Variants in SLC41A2 observed in about 807,000 individuals in gnomAD.
SLC41A2 encodes the protein solute carrier family 41 member 2, also known as SLC41A1-like 1.
SLC41A2 carries 32 observed loss-of-function variants against 58.3 expected under a neutral mutation model. The ratio of observed to expected loss-of-function variants is 0.55; its 90% confidence interval spans 0.41 to 0.74. The LOEUF (loss-of-function observed/expected upper bound fraction) is 0.74. SLC41A2 is among the 30% of genes least tolerant of loss of function. The pLI is 0.00. For synonymous variants in SLC41A2, 190 were observed against 235.0 expected (o/e 0.81, Z 1.75); for missense variants, 514 against 680.6 (o/e 0.76, Z 2.72).
chr12:104,875,201 GTTTGCTAGTA>G (rs2043987583), intron 6 of SLC41A2, among the ~76,000 whole-genome samples: 1 of 152,184 alleles, frequency 6.6e-6, no homozygotes, highest in Non-Finnish European at 1.5e-5. Flanking sequence ...GTTGAATTCA[GTTTGCTAGTA>G]TTTTATTGAA....
intron 1 of SLC41A2, among the ~76,000 whole-genome samples, chr12:104,949,090 T>C (rs1185156265): frequency 6.6e-6 from 1 of 152,064 alleles, no homozygotes; most frequent in Non-Finnish European, 1.5e-5. Flanking sequence ...TGGTGGTGCA[T>C]GCCTGTAATC....
Position 104,958,242 on chromosome 12 carries a change from CT to C in SLC41A2, c.-323del, listed in dbSNP as rs1013998097. On this transcript the variant is annotated 5_prime_UTR_variant, in exon 1 of 11. Transcript: ENST00000258538. ...GAGGACAGCGGCTCCCAGCCCACAG[CT>C]CCTTCCTGCTCCCGCGCCTCCTCGC... is the stretch of plus-strand genomic sequence containing the variant. 4.6e-5 allele frequency: 7 copies of C among 151,334 alleles called. No individual in the cohort carries two copies. Among genetic ancestry groups the C allele is most frequent in the African/African-American group, 1.7e-4 (7 of 41,344 alleles). The allele number at this position is 151,334 out of a possible 1,614,324, so 9.4% of individuals were successfully genotyped here. A position where few individuals can be genotyped will look rare whatever the true frequency, so the allele number is the denominator to read the frequency against.
At chr12:104,892,125 C>A (rs1208945795) in intron 4 of SLC41A2, among the ~76,000 whole-genome samples, 2 of 151,696 alleles carry the variant, frequency 1.3e-5, no homozygotes, top group African/African-American at 2.4e-5. Context: ...CATGGTGAAA[C>A]CCCATCTCTA....
intron 3 of SLC41A2, among the ~76,000 whole-genome samples, chr12:104,903,356 T>A (rs2045651481): frequency 6.6e-6 from 1 of 152,234 alleles, no homozygotes; most frequent in South Asian, 2.1e-4. Context: ...CCGTACATAA[T>A]CTGGCCTCTG....
At chr12:104,858,056 C>T (rs185963449) in intron 8 of SLC41A2, among the ~76,000 whole-genome samples, 1,693 of 152,082 alleles carry the variant, frequency 0.011, 37 homozygotes, top group African/African-American at 0.038. Flanking sequence ...AAAGAAATCT[C>T]GTAGTAAGCA....
intron 10 of SLC41A2, among the ~76,000 whole-genome samples, chr12:104,825,223 C>T (rs573518317): frequency 6.6e-6 from 1 of 152,268 alleles, no homozygotes; most frequent in East Asian, 1.9e-4. Flanking sequence ...CACAGGCATG[C>T]GTGGCTCAGG....
At chr12:104,810,216 A>C (rs2041111854) in intron 10 of SLC41A2, among the ~76,000 whole-genome samples, 1 of 152,140 alleles carries the variant, frequency 6.6e-6, no homozygotes, top group Non-Finnish European at 1.5e-5. Context: ...GCTATCTATA[A>C]ATAGAACAAG....
At chr12:104,820,663 CAG>C (rs2041595583) in intron 10 of SLC41A2, among the ~76,000 whole-genome samples, 1 of 151,382 alleles carries the variant, frequency 6.6e-6, no homozygotes, top group Non-Finnish European at 1.5e-5. Flanking sequence ...TTTTTCCAGA[CAG>C]AGTTTCGCTC....
intron 4 of SLC41A2, among the ~76,000 whole-genome samples, chr12:104,892,822 C>T (rs949874501): frequency 6.6e-6 from 1 of 152,104 alleles, no homozygotes; most frequent in Non-Finnish European, 1.5e-5. Flanking sequence ...AATGAGACCC[C>T]TATCTCTCAC....
chr12:104,922,834 A>G (rs2046658286), intron 2 of SLC41A2, among the ~76,000 whole-genome samples: 1 of 152,226 alleles, frequency 6.6e-6, no homozygotes. Context: ...GTCTCTCTGC[A>G]GAGCACAATG....
At chr12:104,829,765 T>A (rs2136275805) in intron 10 of SLC41A2, among the ~76,000 whole-genome samples, 1 of 152,300 alleles carries the variant, frequency 6.6e-6, no homozygotes, top group Middle Eastern at 3.4e-3. Context: ...AATCTAGCCC[T>A]ATATGGCCCA....
At chr12:104,808,675 C>A (rs948646774) in intron 10 of SLC41A2, among the ~76,000 whole-genome samples, 2 of 151,964 alleles carry the variant, frequency 1.3e-5, no homozygotes, top group Non-Finnish European at 2.9e-5. Context: ...TGGTGGAATT[C>A]GGCTGTGAAT....
rs2046944931 is a variant in SLC41A2, at chr12:104,928,677, T to G, written c.-150A>C. 1 of 455,298 alleles carries G rather than the reference T, an allele frequency of 2.2e-6. No homozygotes were observed. The highest frequency in any genetic ancestry group is 2.0e-5 in the African/African-American group (1 of 50,096). 28.2% of individuals were successfully genotyped at this position (455,298 alleles called of 1,614,324 possible). The stretch of plus-strand genomic sequence containing the variant: ...CCACTAATAAAAGATGTTCAGAAGT[T>G]CCACAGAAGGACTGGATCTGGAAAA... On this transcript the variant is annotated 5_prime_UTR_variant, in exon 2 of 11. Transcript: ENST00000258538.
At chr12:104,853,908 C>G (rs2042901913) in intron 8 of SLC41A2, among the ~76,000 whole-genome samples, 1 of 50,852 alleles carries the variant, frequency 2.0e-5, no homozygotes, top group African/African-American at 6.8e-5. Context: ...CCATGCCTGG[C>G]TGATTTTTTT....
chr12:104,913,797 G>A (rs564305904), intron 2 of SLC41A2, among the ~76,000 whole-genome samples: 1 of 152,260 alleles, frequency 6.6e-6, no homozygotes, highest in East Asian at 1.9e-4. Context: ...CACCAGGTTG[G>A]GCAGCGGCTC....
At position 104,805,107 on chromosome 12, in the gene SLC41A2, G is replaced by A. The variant is rs144330444; in HGVS notation, c.*45C>T. The A allele has an allele frequency of 1.2e-4, 177 of 1,485,216 alleles. 1 individual carries two copies. The African/African-American group carries it at 1.8e-3, about 15-fold the overall frequency. 92.0% of individuals were successfully genotyped at this position (1,485,216 alleles called of 1,614,324 possible). ...TGAAAAAGAGCCATAAGTGGTTGTCGTGTATTTTCTTCCTTGGTAACTTGA... is the reference window on the plus strand; with the variant it reads ...TGAAAAAGAGCCATAAGTGGTTGTCATGTATTTTCTTCCTTGGTAACTTGA... On this transcript the variant is annotated 3_prime_UTR_variant, in exon 11 of 11. Coordinates refer to ENST00000258538, the MANE Select transcript of SLC41A2 (RefSeq NM_001352171.3).
At chr12:104,900,578 CTA>C (rs2045511354) in intron 3 of SLC41A2, among the ~76,000 whole-genome samples, 1 of 152,132 alleles carries the variant, frequency 6.6e-6, no homozygotes, top group African/African-American at 2.4e-5. Context: ...ACCTAGTTGA[CTA>C]TAACAGTTTT....
intron 6 of SLC41A2, among the ~76,000 whole-genome samples, chr12:104,882,842 T>C (rs1389248632): frequency 6.6e-6 from 1 of 152,220 alleles, no homozygotes; most frequent in Non-Finnish European, 1.5e-5. Context: ...GTTCTCTGTA[T>C]TTCCTGAATT....
chr12:104,898,884 C>T (rs1470883327), intron 3 of SLC41A2, among the ~76,000 whole-genome samples: 1 of 152,180 alleles, frequency 6.6e-6, no homozygotes, highest in East Asian at 1.9e-4. Flanking sequence ...TGAAAAGATG[C>T]TCCACATCAT....
Sources: gnomAD v4.1 joint callset for allele counts (sites outside exome capture counted in the v4.1 genomes callset) on GRCh38, gnomAD v4.1.1 for gene constraint, MANE v1.5 for transcripts, NCBI Gene and HGNC (gene_info 2026-07-23, HGNC 2026-07-21) for gene names.